ANAPC1: variants seen among roughly 807,000 people sequenced by gnomAD.
The protein encoded by ANAPC1 is anaphase promoting complex subunit 1.
A neutral mutation model predicts 208.0 loss-of-function variants in ANAPC1; 36 were observed. The ratio of observed to expected loss-of-function variants is 0.17; its 90% CI spans 0.13 to 0.23. ANAPC1 has a LOEUF of 0.23. Ranked by LOEUF, ANAPC1 falls within the 10% of genes least tolerant of loss-of-function variation. ANAPC1 has a pLI of 1.00. For missense variants in ANAPC1, 942 were observed against 2,011.6 expected (o/e 0.47, Z 10.17); for synonymous variants, 378 against 695.2 (o/e 0.54, Z 7.18).
At chr2:111,867,244 C>T (rs1005277271) in intron 7 of ANAPC1, among the ~76,000 whole-genome samples, 2 of 151,238 alleles carry the variant, frequency 1.3e-5, no homozygotes, top group African/African-American at 4.9e-5. Flanking sequence ...GAGCCGAGAT[C>T]GCACCATTGT....
Position 111,868,030 on chromosome 2 carries a change from T to C in ANAPC1, c.678A>G (p.Lys226=). 1 of 1,584,436 alleles carries C rather than the reference T, an allele frequency of 6.3e-7. No homozygotes were observed. Among genetic ancestry groups the C allele is most frequent in the Non-Finnish European group, 8.6e-7 (1 of 1,166,514 alleles). The change falls in exon 7 of 48, where the codon AAA becomes AAG. Residue 226 remains lysine (K), a synonymous_variant. Transcript: ENST00000341068. ...ATATAGAAATACACTTACTTCCAGATTTACAAACAAGTGGAGTTATTTCAT... is the reference window on the plus strand; with the variant it reads ...ATATAGAAATACACTTACTTCCAGACTTACAAACAAGTGGAGTTATTTCAT... ...PLDEITPLVC[K]SGSLFGSSRV...
chr2:111,838,588 A>T lies in ANAPC1; in HGVS notation c.2041-76T>A, dbSNP rs1680599714. The T allele has an allele frequency of 3.1e-6, 4 of 1,276,178 alleles. No individual in the cohort carries two copies. In the South Asian group the frequency reaches 5.9e-5, roughly 19 times the overall value. 79.1% of individuals were successfully genotyped at this position (1,276,178 alleles called of 1,614,324 possible). A position where few individuals can be genotyped will look rare whatever the true frequency, so the allele number is the denominator to read the frequency against. On this transcript the variant is annotated intron_variant, in intron 17 of 47. Transcript: ENST00000341068. ...CAACTGATCAACTTCAAGGATTCAG[A>T]AATCAGTTCTGCCAATTACGAAAAC...
At chr2:111,789,211 G>C (rs529038915) in intron 38 of ANAPC1, among the ~76,000 whole-genome samples, 4 of 151,344 alleles carry the variant, frequency 2.6e-5, no homozygotes, top group Non-Finnish European at 5.9e-5. Context: ...TCACCAATAT[G>C]ATACACTTTT....
chr2:111,873,475 C>T, intron 4 of ANAPC1, 67 bp from the exon 5 acceptor site: 3 of 1,551,860 alleles, frequency 1.9e-6, no homozygotes, highest in Non-Finnish European at 2.6e-6. Context: ...CCTAACAGCA[C>T]AAATTATTTA....
At position 111,856,694 on chromosome 2, in the gene ANAPC1, A is replaced by G; in HGVS notation, c.1450-15T>C. 1 of 1,613,752 alleles carries G rather than the reference A, an allele frequency of 6.2e-7. No homozygotes were observed. The highest frequency in any genetic ancestry group is 1.1e-5 in the South Asian group (1 of 91,052). ...GTGTCTATTTTCTAAAAAAACAAAA[A>G]AGACAAAAAATTTATTTCCCAATCT... is the stretch of plus-strand genomic sequence containing the variant. On this transcript the variant is annotated splice_polypyrimidine_tract_variant and intron_variant, in intron 12 of 47. Transcript: ENST00000341068.
At position 111,850,948 on chromosome 2, in the gene ANAPC1, C is replaced by T. The variant is rs763693789; in HGVS notation, c.1516-38G>A. ...AAAACATGTGGAAAAAAAAATATTG[C>T]CTTTAATGCATCATATCCTTAAATA... On this transcript the variant is annotated intron_variant, in intron 13 of 47. Transcript: ENST00000341068. 14 of 1,580,846 alleles carry T rather than the reference C, an allele frequency of 8.9e-6. No individual in the cohort carries two copies. In the African/African-American group the frequency reaches 1.5e-4, roughly 17 times the overall value.
chr2:111,831,900 A>G (rs1003415217), intron 20 of ANAPC1, among the ~76,000 whole-genome samples: 3 of 148,622 alleles, frequency 2.0e-5, no homozygotes, highest in African/African-American at 7.4e-5. Context: ...GCCACAGTAC[A>G]TAAGGAACTA....
intron 13 of ANAPC1, among the ~76,000 whole-genome samples, chr2:111,855,428 C>T (rs1241414749): frequency 2.0e-5 from 3 of 151,814 alleles, no homozygotes; most frequent in Non-Finnish European, 2.9e-5. Context: ...TTGCCACAAA[C>T]CTTCAATCTG....
At chr2:111,860,782 A>G (rs1278924220) in intron 10 of ANAPC1, among the ~76,000 whole-genome samples, 1 of 150,940 alleles carries the variant, frequency 6.6e-6, no homozygotes, top group African/African-American at 2.4e-5. Flanking sequence ...CCCTCTTCTC[A>G]TTCTACACCA....
At chr2:111,882,001 G>A (rs960661734) in intron 1 of ANAPC1, among the ~76,000 whole-genome samples, 8 of 152,020 alleles carry the variant, frequency 5.3e-5, no homozygotes, top group African/African-American at 1.5e-4. Context: ...TGGCTAACAT[G>A]GTGAAACTCC....
At chr2:111,823,368 C>A (rs1471124650) in intron 24 of ANAPC1, among the ~76,000 whole-genome samples, 2 of 151,976 alleles carry the variant, frequency 1.3e-5, no homozygotes, top group African/African-American at 4.8e-5. Flanking sequence ...ACTGGTACAA[C>A]CACTTTGGAA....
intron 13 of ANAPC1, chr2:111,856,356 T>A: frequency 2.8e-6 from 1 of 350,958 alleles, no homozygotes; most frequent in Non-Finnish European, 5.4e-6. Context: ...AAAAAAAATC[T>A]ACCTATACTC....
chr2:111,842,352 T>C lies in ANAPC1; in HGVS notation c.2040+1060A>G, dbSNP rs887499554. ...TAAGACAAAAAACAAATTTTAAAAA[T>C]GGATTTGCTGGCCAGGCGCAGTGGC... On this transcript the variant is annotated intron_variant, in intron 17 of 47. Coordinates refer to ENST00000341068, the MANE Select transcript of ANAPC1 (RefSeq NM_022662.4). 2.5e-4 allele frequency among the ~76,000 whole-genome samples: 38 copies of C among 152,214 alleles called. 1 individual carries two copies. The highest frequency in any genetic ancestry group is 8.7e-4 in the African/African-American group (36 of 41,556).
chr2:111,826,817 C>T (rs1238445240), intron 21 of ANAPC1, among the ~76,000 whole-genome samples: 5 of 151,976 alleles, frequency 3.3e-5, no homozygotes, highest in Non-Finnish European at 7.4e-5. Context: ...TGCGCCACCA[C>T]GCCCAGCTAA....
rs192703061 is a variant in ANAPC1, at chr2:111,797,333, G to A, written c.4297-2439C>T. ...TTTAATGTATTACAGAGTTTAGCAC[G>A]TGCCTTGCATTTACAGAGGATTAAT... On this transcript the variant is annotated intron_variant, in intron 34 of 47. Transcript: ENST00000341068. Among the ~76,000 whole-genome samples the A allele has an allele frequency of 5.3e-4, 80 of 152,144 alleles. 1 individual carries two copies. The East Asian group carries it at 0.012, about 22-fold the overall frequency.
chr2:111,849,473 T>C (rs1681274471), intron 14 of ANAPC1, among the ~76,000 whole-genome samples: 1 of 152,176 alleles, frequency 6.6e-6, no homozygotes, highest in African/African-American at 2.4e-5. Flanking sequence ...ACAGACATTA[T>C]CAAATACAAC....
At chr2:111,861,593 T>C (rs1192400980) in intron 10 of ANAPC1, among the ~76,000 whole-genome samples, 1 of 142,276 alleles carries the variant, frequency 7.0e-6, no homozygotes, top group Non-Finnish European at 1.5e-5. Flanking sequence ...TTCAGCTATC[T>C]GCCTCTTTTG....
chr2:111,871,546 T>C (rs1345257261), intron 6 of ANAPC1, among the ~76,000 whole-genome samples: 1 of 151,994 alleles, frequency 6.6e-6, no homozygotes, highest in Non-Finnish European at 1.5e-5. Context: ...AGGTCGGGAG[T>C]TCGAGACCAG....
At chr2:111,869,811 A>C (rs564116608) in intron 6 of ANAPC1, among the ~76,000 whole-genome samples, 10 of 152,212 alleles carry the variant, frequency 6.6e-5, no homozygotes, top group Non-Finnish European at 1.0e-4. Context: ...TGCACCTGTC[A>C]CCTGTGTAGT....
Sources: gnomAD v4.1 joint callset for allele counts (sites outside exome capture counted in the v4.1 genomes callset) on GRCh38, gnomAD v4.1.1 for gene constraint, MANE v1.5 for transcripts, NCBI Gene and HGNC (gene_info 2026-07-23, HGNC 2026-07-21) for gene names.